Variants in ZBBX observed in about 807,000 individuals in gnomAD.
ZBBX encodes the protein zinc finger B-box domain-containing protein 1.
In ZBBX, 101 loss-of-function variants were observed where a neutral mutation model predicts 108.5. That is an observed-to-expected ratio of 0.93 (90% CI 0.79 to 1.10). The LOEUF (loss-of-function observed/expected upper bound fraction) is 1.10. Ranked by LOEUF, ZBBX falls within the 50% of genes least tolerant of loss-of-function variation. The pLI, the probability that ZBBX is intolerant of heterozygous loss-of-function variation, is 0.00. For synonymous variants in ZBBX, 356 were observed against 323.4 expected (o/e 1.10, Z -1.08); for missense variants, 1,009 against 941.4 (o/e 1.07, Z -0.94).
chr3:167,231,904 G>A, the ZBBX span, among the ~76,000 whole-genome samples: 3 of 151,752 alleles, frequency 2.0e-5, no homozygotes, highest in South Asian at 2.1e-4. Context: ...TATATTGACC[G>A]GTATAGAATG....
At chr3:167,330,174 C>T (rs906497073) in intron 10 of ZBBX, among the ~76,000 whole-genome samples, 5 of 151,894 alleles carry the variant, frequency 3.3e-5, no homozygotes, top group Admixed American at 1.3e-4. Context: ...GTAGGATGTA[C>T]TTATGTGAAT....
chr3:167,231,505 G>A, the ZBBX span, among the ~76,000 whole-genome samples: 1 of 151,724 alleles, frequency 6.6e-6, no homozygotes, highest in Non-Finnish European at 1.5e-5. Flanking sequence ...CAATCAAACA[G>A]TGGGAACAAG....
At chr3:167,226,700 C>T in the ZBBX span, among the ~76,000 whole-genome samples, 2 of 151,658 alleles carry the variant, frequency 1.3e-5, no homozygotes, top group Admixed American at 6.6e-5. Flanking sequence ...AGTCTTTTCT[C>T]ATGCTTCAGA....
intron 20 of ZBBX, among the ~76,000 whole-genome samples, chr3:167,257,122 C>T (rs562290535): frequency 1.3e-5 from 2 of 152,260 alleles, no homozygotes; most frequent in African/African-American, 4.8e-5. Context: ...TCTCCACATG[C>T]TTGCCAGCAG....
upstream of ZBBX, among the ~76,000 whole-genome samples, chr3:167,380,821 C>T (rs1348861729): frequency 6.6e-6 from 1 of 150,972 alleles, no homozygotes; most frequent in Non-Finnish European, 1.5e-5. Context: ...ATACATGACC[C>T]GTGGAGTCTA....
In ZBBX at chr3:167,406,063, T is replaced by TA. The variant is rs528284857; in HGVS notation, c.-446+1662dup. On this transcript the variant is annotated intron_variant, in intron 1 of 21. Coordinates refer to the ZBBX transcript ENST00000455345. ...TGGGTTGCAAGGGCAAGACTCAGTC[T>TA]AAAAAAAAAATTAATAAATTCTTCC... is the stretch of plus-strand genomic sequence containing the variant. Among the ~76,000 whole-genome samples the TA allele has an allele frequency of 1.3e-4, 20 of 150,358 alleles. No individual in the cohort carries two copies. In the South Asian group the frequency reaches 1.7e-3, roughly 13 times the overall value.
chr3:167,185,713 A>G, the ZBBX span, among the ~76,000 whole-genome samples: 1 of 151,868 alleles, frequency 6.6e-6, no homozygotes, highest in Non-Finnish European at 1.5e-5. Context: ...ACATTTTTTC[A>G]TTTTTCCATG....
At chr3:167,271,560 A>T (rs1330477836) in intron 20 of ZBBX, among the ~76,000 whole-genome samples, 1 of 152,218 alleles carries the variant, frequency 6.6e-6, no homozygotes, top group Admixed American at 6.5e-5. Context: ...TCCTGAGAGA[A>T]ATCCTGCCTC....
intron 20 of ZBBX, among the ~76,000 whole-genome samples, chr3:167,280,562 T>G (rs1484280118): frequency 6.6e-6 from 1 of 150,430 alleles, no homozygotes; most frequent in Non-Finnish European, 1.5e-5. Context: ...AGATACCATC[T>G]CACACCAGTT....
At chr3:167,255,601 A>G (rs977780418) in intron 20 of ZBBX, among the ~76,000 whole-genome samples, 1 of 152,086 alleles carries the variant, frequency 6.6e-6, no homozygotes, top group South Asian at 2.1e-4. Context: ...ACTAAAGCAT[A>G]TAGTTAGAAA....
At chr3:167,215,521 T>C in the ZBBX span, among the ~76,000 whole-genome samples, 26 of 152,174 alleles carry the variant, frequency 1.7e-4, no homozygotes, top group South Asian at 4.8e-3. Context: ...CAGGACCTGA[T>C]GGATTCACAC....
At chr3:167,284,496 AC>A (rs1336740025) in intron 19 of ZBBX, among the ~76,000 whole-genome samples, 1 of 152,200 alleles carries the variant, frequency 6.6e-6, no homozygotes, top group Non-Finnish European at 1.5e-5. Flanking sequence ...CTTTAAAAAA[AC>A]AAACCAAACG....
intron 1 of ZBBX, among the ~76,000 whole-genome samples, chr3:167,393,875 CAT>C (rs1405686781): frequency 1.3e-5 from 2 of 151,782 alleles, no homozygotes; most frequent in African/African-American, 2.4e-5. Context: ...TGCCCTTCCA[CAT>C]GTTTCACATT....
At chr3:167,357,821 A>G (rs969989530) in intron 8 of ZBBX, among the ~76,000 whole-genome samples, 2 of 152,106 alleles carry the variant, frequency 1.3e-5, no homozygotes, top group African/African-American at 4.8e-5. Flanking sequence ...TGTGGCACAT[A>G]TACACCATGG....
chr3:167,300,350 C>T (rs756474510), intron 17 of ZBBX, among the ~76,000 whole-genome samples: 2 of 151,832 alleles, frequency 1.3e-5, no homozygotes, highest in Non-Finnish European at 2.9e-5. Flanking sequence ...TTTAGTCTCA[C>T]CTAATTGAAA....
intron 19 of ZBBX, 189 bp from the exon 20 acceptor site, chr3:167,282,684 GTCATAAAGAACACT>G (rs148324301): frequency 0.016 from 8,541 of 531,166 alleles, 108 homozygotes; most frequent in South Asian, 0.024. Flanking sequence ...CTTTTCCAAT[GTCATAAAGAACACT>G]TCTGTGTATT....
chr3:167,274,216 C>T (rs1386101283), intron 20 of ZBBX, among the ~76,000 whole-genome samples: 1 of 152,166 alleles, frequency 6.6e-6, no homozygotes, highest in Non-Finnish European at 1.5e-5. Flanking sequence ...GAATTGATAG[C>T]CCTCTTTCAG....
At chr3:167,232,249 T>A in the ZBBX span, among the ~76,000 whole-genome samples, 1 of 151,854 alleles carries the variant, frequency 6.6e-6, no homozygotes, top group Non-Finnish European at 1.5e-5. Context: ...TTTTTAATGA[T>A]GTTATAATAA....
At chr3:167,179,643 C>A in the ZBBX span, among the ~76,000 whole-genome samples, 8 of 152,162 alleles carry the variant, frequency 5.3e-5, no homozygotes, top group Non-Finnish European at 1.2e-4. Flanking sequence ...ATAGGCATAT[C>A]AAAAGCAGTC....
Sources: gnomAD v4.1 joint callset for allele counts (sites outside exome capture counted in the v4.1 genomes callset) on GRCh38, gnomAD v4.1.1 for gene constraint, MANE v1.5 for transcripts, NCBI Gene and HGNC (gene_info 2026-07-23, HGNC 2026-07-21) for gene names.